Variants in ZFP62 observed in about 807,000 individuals in gnomAD.
ZFP62 encodes the protein zinc finger protein 62 homolog.
In ZFP62, 44 loss-of-function variants were observed where a neutral mutation model predicts 56.4. The ratio of observed to expected loss-of-function variants is 0.78; its 90% CI spans 0.61 to 1.00. ZFP62 has a LOEUF of 1.00. Among genes scored for constraint, ZFP62 ranks in the 50% least tolerant of loss-of-function variants. The probability of loss-of-function intolerance (pLI) is 0.00; values close to 1 mark genes in which losing one functional copy is unlikely to be tolerated. For missense variants in ZFP62, 1,030 were observed against 1,085.7 expected (o/e 0.95, Z 0.72); for synonymous variants, 421 against 388.9 (o/e 1.08, Z -0.97).
Position 180,849,812 on chromosome 5 carries a change from G to T in ZFP62, c.1683C>A (p.Tyr561Ter). 5 of 1,551,836 alleles carry T rather than the reference G, an allele frequency of 3.2e-6. No homozygotes were observed. Among genetic ancestry groups the T allele is most frequent in the Non-Finnish European group, 4.4e-6 (5 of 1,147,064 alleles). The change falls in exon 2 of 2, where the codon TAC becomes TAA. Residue 561 changes from tyrosine (Y) to a stop codon, truncating the protein, a stop_gained. Coordinates refer to ENST00000502412, the MANE Select transcript of ZFP62 (RefSeq NM_001172638.2). LOFTEE classifies it high-confidence loss of function. ...ATGCTTTCCCACATTCTTCACATTT[G>T]TAAGGTCGTTCCCCAGTGTGGATTC... ...HKRIHTGERP[Y>*]KCEECGKAYI...
At chr5:180,828,462 G>A in the ZFP62 span, among the ~76,000 whole-genome samples, 1 of 152,178 alleles carries the variant, frequency 6.6e-6, no homozygotes. Flanking sequence ...CCGAATGGAA[G>A]GACCAGCTGG....
At chr5:180,843,139 A>T (rs1773349142), downstream of ZFP62, among the ~76,000 whole-genome samples, 1 of 151,206 alleles carries the variant, frequency 6.6e-6, no homozygotes, top group South Asian at 2.1e-4. Context: ...ATGTACATTT[A>T]TATGTATATA....
chr5:180,847,066 A>T (rs1207772764), downstream of ZFP62, among the ~76,000 whole-genome samples: 1 of 152,216 alleles, frequency 6.6e-6, no homozygotes, highest in Non-Finnish European at 1.5e-5. Flanking sequence ...TACTCCTAGA[A>T]AGAGCATGGA....
In ZFP62 at chr5:180,850,814, A is replaced by G; in HGVS notation, c.681T>C (p.Cys227=). The G allele has an allele frequency of 6.4e-7, 1 of 1,572,196 alleles. No individual in the cohort carries two copies. The highest frequency in any genetic ancestry group is 8.6e-7 in the Non-Finnish European group (1 of 1,158,730). ...STHSGEKNCK[C]DECGKSFNYS... is the part of the protein sequence containing the mutation. ...AATTGAAGGATTTTCCACATTCATC[A>G]CATTTACAGTTCTTCTCCCCAGAAT... Residue 227 remains cysteine (C), a synonymous_variant, in exon 2 of 2, where the codon TGT becomes TGC. Transcript: ENST00000502412.
In ZFP62 at chr5:180,848,281, C is replaced by G; in HGVS notation, c.*511G>C. On this transcript the variant is annotated 3_prime_UTR_variant, in exon 2 of 2. Coordinates refer to ENST00000502412, the MANE Select transcript of ZFP62 (RefSeq NM_001172638.2). ...CCAAACCAATTACATCAAGTTTATACTTAAAGACCACTAATATTAAATAAA... is the reference window on the plus strand; with the variant it reads ...CCAAACCAATTACATCAAGTTTATAGTTAAAGACCACTAATATTAAATAAA... The G allele has an allele frequency of 1.0e-6, 1 of 985,526 alleles. No homozygotes were observed. The highest frequency in any genetic ancestry group is 1.2e-6 in the Non-Finnish European group (1 of 830,026). The allele number at this position is 985,526 out of a possible 1,614,324, so 61.0% of individuals were successfully genotyped here. A position where few individuals can be genotyped will look rare whatever the true frequency, so the allele number is the denominator to read the frequency against.
At chr5:180,853,430 G>A (rs1231982877) in intron 1 of ZFP62, among the ~76,000 whole-genome samples, 5 of 152,226 alleles carry the variant, frequency 3.3e-5, no homozygotes, top group Non-Finnish European at 5.9e-5. Flanking sequence ...CTACAAGGGA[G>A]GAGTGTGGAG....
At chr5:180,856,837 C>T (rs1774007256) in intron 1 of ZFP62, among the ~76,000 whole-genome samples, 1 of 151,338 alleles carries the variant, frequency 6.6e-6, no homozygotes, top group Non-Finnish European at 1.5e-5. Flanking sequence ...GCCTGTAGCT[C>T]CAGCTACTAG....
At chr5:180,852,547 C>T (rs1409907542) in intron 1 of ZFP62, among the ~76,000 whole-genome samples, 1 of 115,348 alleles carries the variant, frequency 8.7e-6, no homozygotes, top group Non-Finnish European at 1.9e-5. Flanking sequence ...AGCAAGACTC[C>T]GTCTCACAAA....
chr5:180,856,547 G>GT (rs1267041734), intron 1 of ZFP62, among the ~76,000 whole-genome samples: 1 of 152,198 alleles, frequency 6.6e-6, no homozygotes, highest in Non-Finnish European at 1.5e-5. Flanking sequence ...CATCCTGTTT[G>GT]TTTTCCAGGC....
At chr5:180,829,179 G>C in the ZFP62 span, among the ~76,000 whole-genome samples, 1 of 139,946 alleles carries the variant, frequency 7.1e-6, no homozygotes. Flanking sequence ...AGAAGCATGT[G>C]ATCTTTGTTC....
At chr5:180,829,173 G>C in the ZFP62 span, among the ~76,000 whole-genome samples, 1 of 139,924 alleles carries the variant, frequency 7.1e-6, no homozygotes, top group East Asian at 2.0e-4. Context: ...TTCCTCAGAA[G>C]CATGTGATCT....
In ZFP62 at chr5:180,861,238, G is replaced by GAA; in HGVS notation, c.-20_-19insTT. ...ACGTACTGGCTGTGGCGGCGCCGCGGGAACCCGGCCGCCAGCGGGACAAAA... is the reference window on the plus strand; with the variant it reads ...ACGTACTGGCTGTGGCGGCGCCGCGGAAGAACCCGGCCGCCAGCGGGACAAAA... On this transcript the variant is annotated 5_prime_UTR_variant, in exon 1 of 2. Coordinates refer to ENST00000502412, the MANE Select transcript of ZFP62 (RefSeq NM_001172638.2). 1 of 397,908 alleles carries GAA rather than the reference G, an allele frequency of 2.5e-6. No homozygotes were observed. Among genetic ancestry groups the GAA allele is most frequent in the Non-Finnish European group, 4.4e-6 (1 of 225,646 alleles). The allele number at this position is 397,908 out of a possible 1,614,324, so 24.6% of individuals were successfully genotyped here. A position where few individuals can be genotyped will look rare whatever the true frequency, so the allele number is the denominator to read the frequency against.
At chr5:180,857,435 A>T (rs1003542050) in intron 1 of ZFP62, among the ~76,000 whole-genome samples, 5 of 152,342 alleles carry the variant, frequency 3.3e-5, no homozygotes, top group African/African-American at 1.2e-4. Context: ...GATAATATCA[A>T]GGAATCAGAG....
downstream of ZFP62, among the ~76,000 whole-genome samples, chr5:180,842,756 A>G (rs1561897921): frequency 6.6e-6 from 1 of 152,194 alleles, no homozygotes; most frequent in Non-Finnish European, 1.5e-5. Context: ...AAAGGAAATG[A>G]AAAGGTTGGG....
the ZFP62 span, among the ~76,000 whole-genome samples, chr5:180,839,117 T>G: frequency 6.6e-6 from 1 of 152,190 alleles, no homozygotes; most frequent in Non-Finnish European, 1.5e-5. Flanking sequence ...TACAGAAAGG[T>G]GAGCTACTGT....
Position 180,849,420 on chromosome 5 carries a change from T to C in ZFP62, c.2075A>G (p.Lys692Arg), listed in dbSNP as rs1455076229. Residue 692 changes from lysine to arginine, a missense_variant, in exon 2 of 2, where the codon AAG (lysine) becomes AGG (arginine). Transcript: ENST00000502412. ...GGGTGTCCTGCCAGGGTGGGTACTC[T>C]TATGGTTAATAAGGCTTGAGTGTGA... is the stretch of plus-strand genomic sequence containing the variant. ...YISHSSLINHKSTHPGRTPHT... is the reference protein window; with the variant it reads ...YISHSSLINHRSTHPGRTPHT... 1.3e-6 allele frequency: 2 copies of C among 1,551,458 alleles called. No individual in the cohort carries two copies. Among genetic ancestry groups the C allele is most frequent in the Non-Finnish European group, 8.7e-7 (1 of 1,146,714 alleles).
In ZFP62 at chr5:180,849,346, T is replaced by G; in HGVS notation, c.2149A>C (p.Ile717Leu). The G allele has an allele frequency of 6.4e-7, 1 of 1,551,970 alleles. No individual in the cohort carries two copies. Among genetic ancestry groups the G allele is most frequent in the Non-Finnish European group, 8.7e-7 (1 of 1,147,064 alleles). Residue 717 changes from isoleucine (I) to leucine (L), a missense_variant, in exon 2 of 2, where the codon ATA (isoleucine) becomes CTA (leucine). By Grantham distance (5) the Ile-to-Leu change is conservative (BLOSUM62 2). Coordinates refer to ENST00000502412, the MANE Select transcript of ZFP62 (RefSeq NM_001172638.2). ...CCAAGATGGACTCTTTTATGGCTTATAAGAGTTCTGCTTGAGAAAAAAGCT... is the reference window on the plus strand; with the variant it reads ...CCAAGATGGACTCTTTTATGGCTTAGAAGAGTTCTGCTTGAGAAAAAAGCT... ...GKAFFSSRTL[I>L]SHKRVHLGEK...
chr5:180,838,202 G>A, the ZFP62 span, among the ~76,000 whole-genome samples: 1 of 152,082 alleles, frequency 6.6e-6, no homozygotes, highest in Non-Finnish European at 1.5e-5. Context: ...CTGAAGCTAG[G>A]TGTTGGAGCC....
At chr5:180,840,596 A>G in the ZFP62 span, among the ~76,000 whole-genome samples, 8 of 152,042 alleles carry the variant, frequency 5.3e-5, no homozygotes, top group African/African-American at 1.9e-4. Context: ...ATCTCTACTA[A>G]AAATACAAAA....
Sources: allele counts gnomAD v4.1 joint callset (sites outside exome capture counted in the v4.1 genomes callset), GRCh38; gene constraint gnomAD v4.1.1; transcripts MANE v1.5; gene names NCBI Gene and HGNC (gene_info 2026-07-23, HGNC 2026-07-21).